The following CCSER1 variants were observed in gnomAD, a reference collection of about 807,000 sequenced individuals.
The protein encoded by CCSER1 is serine-rich coiled-coil domain-containing protein 1.
Under a neutral mutation model 82.0 loss-of-function variants are expected in CCSER1, and 41 were observed. That is an observed-to-expected ratio of 0.50 (90% CI 0.39 to 0.65). The LOEUF is 0.65. Ranked by LOEUF, CCSER1 falls within the 30% of genes least tolerant of loss-of-function variation. The probability of loss-of-function intolerance (pLI) is 0.00; values close to 1 mark genes in which losing one functional copy is unlikely to be tolerated. For missense variants in CCSER1, 1,119 were observed against 1,064.2 expected, an observed-to-expected ratio of 1.05 and a Z score of -0.72; for synonymous variants, 414 against 383.9, an observed-to-expected ratio of 1.08 and a Z score of -0.92.
At chr4:90,982,838 T>G (rs770038596) in intron 9 of CCSER1, among the ~76,000 whole-genome samples, 4 of 151,768 alleles carry the variant, frequency 2.6e-5, no homozygotes, top group Non-Finnish European at 5.9e-5. Context: ...AATAGGTTCC[T>G]GAGGCTTGAC....
At chr4:91,586,961 T>A (rs953582091) in intron 10 of CCSER1, among the ~76,000 whole-genome samples, 4 of 151,764 alleles carry the variant, frequency 2.6e-5, no homozygotes, top group African/African-American at 9.7e-5. Flanking sequence ...TATGAATGAA[T>A]GAAATAATAA....
At chr4:90,606,830 A>G (rs188302199) in intron 5 of CCSER1, among the ~76,000 whole-genome samples, 72 of 152,344 alleles carry the variant, frequency 4.7e-4, no homozygotes, top group African/African-American at 1.7e-3. Flanking sequence ...TGTGACACTC[A>G]TACAGATAAA....
At chr4:90,941,291 G>T (rs62312322) in intron 9 of CCSER1, among the ~76,000 whole-genome samples, 8,041 of 151,934 alleles carry the variant, frequency 0.053, 304 homozygotes, top group Admixed American at 0.12. Flanking sequence ...TAGAATGTAG[G>T]CACTTATCAT....
At chr4:91,496,752 A>AT (rs1553946339) in intron 10 of CCSER1, among the ~76,000 whole-genome samples, 2 of 20,616 alleles carry the variant, frequency 9.7e-5, no homozygotes, top group South Asian at 2.6e-3. Context: ...TATATATTTG[A>AT]ATATATATAT....
chr4:90,430,877 C>T (rs1758180785), intron 4 of CCSER1, among the ~76,000 whole-genome samples: 1 of 151,754 alleles, frequency 6.6e-6, no homozygotes, highest in Admixed American at 6.6e-5. Flanking sequence ...GGCATATGCT[C>T]AAATTTTAAT....
chr4:91,112,519 T>C (rs1726180397), intron 10 of CCSER1: 1 of 152,152 alleles, frequency 6.6e-6, no homozygotes, highest in Non-Finnish European at 1.5e-5. Flanking sequence ...ACACAAGTTC[T>C]TTCTGCTTAG....
chr4:91,414,945 G>A (rs1246022591), intron 10 of CCSER1, among the ~76,000 whole-genome samples: 1 of 152,100 alleles, frequency 6.6e-6, no homozygotes, highest in Non-Finnish European at 1.5e-5. Context: ...GCAAATGTTA[G>A]TAGAACTGAA....
intron 10 of CCSER1, among the ~76,000 whole-genome samples, chr4:91,314,403 T>C (rs1026096276): frequency 6.6e-6 from 1 of 152,014 alleles, no homozygotes; most frequent in African/African-American, 2.4e-5. Flanking sequence ...TTTCTATTCC[T>C]GCAAATTTAA....
chr4:91,145,783 A>G (rs1581641719), intron 10 of CCSER1, among the ~76,000 whole-genome samples: 1 of 152,122 alleles, frequency 6.6e-6, no homozygotes, highest in South Asian at 2.1e-4. Flanking sequence ...TGGACTCCTA[A>G]TCTCTTCTGG....
chr4:90,913,317 A>G (rs1182571376), intron 8 of CCSER1, among the ~76,000 whole-genome samples: 1 of 152,230 alleles, frequency 6.6e-6, no homozygotes, highest in Non-Finnish European at 1.5e-5. Context: ...GCAAGCCAGA[A>G]GAGAGAGGGG....
intron 9 of CCSER1, among the ~76,000 whole-genome samples, chr4:91,084,857 A>G (rs1723202283): frequency 6.6e-6 from 1 of 152,100 alleles, no homozygotes; most frequent in Admixed American, 6.6e-5. Flanking sequence ...TATCTAAACA[A>G]TCAAGAAATG....
At chr4:91,348,545 G>T (rs1021701157) in intron 10 of CCSER1, among the ~76,000 whole-genome samples, 1 of 152,124 alleles carries the variant, frequency 6.6e-6, no homozygotes, top group African/African-American at 2.4e-5. Flanking sequence ...CTAGAGAATT[G>T]CTGTAATTTC....
intron 10 of CCSER1, among the ~76,000 whole-genome samples, chr4:91,396,433 A>G (rs1433423772): frequency 6.6e-6 from 1 of 152,132 alleles, no homozygotes; most frequent in African/African-American, 2.4e-5. Flanking sequence ...ATTTGCTGTG[A>G]TAGTAACATT....
intron 8 of CCSER1, among the ~76,000 whole-genome samples, chr4:90,850,104 G>GTTCATT (rs1561245348): frequency 1.3e-5 from 2 of 152,188 alleles, no homozygotes; most frequent in Non-Finnish European, 2.9e-5. Flanking sequence ...TTGCTTCAGA[G>GTTCATT]GGTTCAAGCC....
intron 10 of CCSER1, among the ~76,000 whole-genome samples, chr4:91,166,682 T>A (rs72872959): frequency 0.039 from 6,000 of 152,174 alleles, 361 homozygotes; most frequent in African/African-American, 0.13. Context: ...ATTAGTAGTA[T>A]AAAGTTAGAT....
chr4:90,586,031 A>G (rs1056087054), intron 5 of CCSER1, among the ~76,000 whole-genome samples: 2 of 152,336 alleles, frequency 1.3e-5, no homozygotes, highest in African/African-American at 4.8e-5. Context: ...AAATGTAATT[A>G]TCTAGAACAG....
At position 91,359,593 on chromosome 4, in the gene CCSER1, A is replaced by T. The variant is rs1749109729; in HGVS notation, c.2218-238979A>T. On this transcript the variant is annotated intron_variant, in intron 10 of 10. Coordinates refer to ENST00000509176, the MANE Select transcript of CCSER1 (RefSeq NM_001145065.2). ...AGGTATTGCTTCTTATTAACAGAAGATAACAACAATATCTCAAGCGATTAG... is the reference window on the plus strand; with the variant it reads ...AGGTATTGCTTCTTATTAACAGAAGTTAACAACAATATCTCAAGCGATTAG... Among the ~76,000 whole-genome samples the T allele has an allele frequency of 2.6e-5, 4 of 151,736 alleles. 1 individual carries two copies. In the South Asian group the frequency reaches 8.3e-4, roughly 31 times the overall value.
At chr4:90,192,349 A>G (rs139322586) in intron 1 of CCSER1, among the ~76,000 whole-genome samples, 3,194 of 152,174 alleles carry the variant, frequency 0.021, 41 homozygotes, top group South Asian at 0.035. Flanking sequence ...GGAATTCAAG[A>G]TGAGATTTGG....
At chr4:90,268,545 A>G (rs1725665991) in intron 1 of CCSER1, among the ~76,000 whole-genome samples, 1 of 152,148 alleles carries the variant, frequency 6.6e-6, no homozygotes, top group African/African-American at 2.4e-5. Flanking sequence ...AATAAAACAG[A>G]TACACAAAAA....
Sources: gnomAD v4.1 joint callset for allele counts (sites outside exome capture counted in the v4.1 genomes callset) on GRCh38, gnomAD v4.1.1 for gene constraint, MANE v1.5 for transcripts, NCBI Gene and HGNC (gene_info 2026-07-23, HGNC 2026-07-21) for gene names.